Variants in CAPRIN2 observed in about 807,000 individuals in gnomAD.
The protein encoded by CAPRIN2 is caprin family member 2.
A neutral mutation model predicts 130.4 loss-of-function variants in CAPRIN2; 66 were observed. That is an observed-to-expected ratio of 0.51 (90% CI 0.42 to 0.62). The LOEUF is 0.62. Among genes scored for constraint, CAPRIN2 ranks in the 20% least tolerant of loss-of-function variants. CAPRIN2 has a pLI of 0.00. For synonymous variants in CAPRIN2, 471 were observed against 444.1 expected (o/e 1.06, Z -0.76); for missense variants, 1,185 against 1,246.6 (o/e 0.95, Z 0.74).
intron 11 of CAPRIN2, 43 bp from the exon 13 acceptor site, chr12:30,720,958 G>A (rs760830376): frequency 7.2e-7 from 1 of 1,388,270 alleles, no homozygotes; most frequent in Non-Finnish European, 1.0e-6. Flanking sequence ...GGCACATTTT[G>A]TTCACTTTAT....
chr12:30,723,760 T>C (rs534449139), intron 10 of CAPRIN2, among the ~76,000 whole-genome samples: 1 of 152,324 alleles, frequency 6.6e-6, no homozygotes, highest in South Asian at 2.1e-4. Flanking sequence ...TAGTTTGTTT[T>C]GTTTCTTCTT....
intron 2 of CAPRIN2, 76 bp from the exon 4 acceptor site, chr12:30,741,182 A>T: frequency 1.2e-6 from 1 of 819,558 alleles, no homozygotes; most frequent in South Asian, 1.9e-5. Context: ...TTTCTTAAAT[A>T]CAGTAGAAGA....
intron 9 of CAPRIN2, among the ~76,000 whole-genome samples, chr12:30,725,603 G>A (rs2060668846): frequency 6.6e-6 from 1 of 152,118 alleles, no homozygotes; most frequent in African/African-American, 2.4e-5. Context: ...GGCAATGAAT[G>A]TCTCATTTTC....
intron 2 of CAPRIN2, 33 bp from the exon 4 acceptor site, chr12:30,741,139 T>C (rs1325126366): frequency 1.5e-6 from 2 of 1,309,782 alleles, no homozygotes; most frequent in Non-Finnish European, 1.1e-6. Flanking sequence ...ATAAATTTTG[T>C]GACTGTTTAA....
At position 30,713,641 on chromosome 12, in the gene CAPRIN2, CTCTTCTCCA is replaced by C. The variant is rs1338960883; in HGVS notation, c.2601+135_2601+143del. 6.1e-6 allele frequency: 3 copies of C among 492,870 alleles called. No homozygotes were observed. In the Admixed American group the frequency reaches 1.0e-4, roughly 17 times the overall value. 30.5% of individuals were successfully genotyped at this position (492,870 alleles called of 1,614,324 possible). On this transcript the variant is annotated intron_variant, in intron 15 of 16. Transcript: ENST00000298892. ...GTAATTGCAAAAACTTCCAACTCAACTCTTCTCCATAGGACTTACAAGTAGTTTTAAAAC... is the reference window on the plus strand; with the variant it reads ...GTAATTGCAAAAACTTCCAACTCAACTAGGACTTACAAGTAGTTTTAAAAC...
intron 5 of CAPRIN2, among the ~76,000 whole-genome samples, chr12:30,732,509 T>C (rs1280707488): frequency 6.6e-6 from 1 of 151,992 alleles, no homozygotes; most frequent in Non-Finnish European, 1.5e-5. Flanking sequence ...TATAGAGGAT[T>C]TTCATCAACC....
At chr12:30,739,195 C>A in intron 3 of CAPRIN2, among the ~76,000 whole-genome samples, 1 of 152,162 alleles carries the variant, frequency 6.6e-6, no homozygotes, top group South Asian at 2.1e-4. Flanking sequence ...AAACGTGGTA[C>A]ATATATATCA....
rs201569358 is a variant in CAPRIN2, at chr12:30,723,319, A to G, written c.1988-5T>C. ...ACAGATTTTGTTCTTTAGATGCTGC[A>G]AGGAGTAAAATAAACAGTAACTACT... is the stretch of plus-strand genomic sequence containing the variant. On this transcript the variant is annotated splice_polypyrimidine_tract_variant and splice_region_variant and intron_variant, in intron 10 of 16. Coordinates refer to ENST00000298892, the Ensembl canonical transcript of CAPRIN2. 43 of 1,606,690 alleles carry G rather than the reference A, an allele frequency of 2.7e-5. No homozygotes were observed. The highest frequency in any genetic ancestry group is 4.3e-6 in the Non-Finnish European group (5 of 1,173,860).
At chr12:30,723,112 C>G in intron 11 of CAPRIN2, 147 bp downstream of exon 12, 1 of 611,570 alleles carries the variant, frequency 1.6e-6, no homozygotes, top group Non-Finnish European at 2.9e-6. Flanking sequence ...TAGGACAAGT[C>G]GTATTTAATC....
intron 2 of CAPRIN2, among the ~76,000 whole-genome samples, chr12:30,747,356 G>A (rs570486230): frequency 5.3e-5 from 8 of 152,116 alleles, no homozygotes; most frequent in Non-Finnish European, 8.8e-5. Flanking sequence ...ATGGATCAAG[G>A]AGTAATTTTG....
At chr12:30,714,902 T>A in intron 14 of CAPRIN2, 57 bp downstream of exon 16, 2 of 1,413,404 alleles carry the variant, frequency 1.4e-6, no homozygotes, top group Non-Finnish European at 9.8e-7. Flanking sequence ...ATGGTGTGAG[T>A]CAAGTAAACA....
intron 3 of CAPRIN2, 151 bp from the exon 5 acceptor site, chr12:30,735,357 C>T (rs2064263767): frequency 1.4e-6 from 1 of 697,868 alleles, no homozygotes; most frequent in Admixed American, 2.5e-5. Context: ...CCTTTTTGAG[C>T]TAAAGAAGTC....
chr12:30,723,299 T>C, exon 11 of CAPRIN2: 1 of 1,612,142 alleles, frequency 6.2e-7, no homozygotes, highest in Non-Finnish European at 8.5e-7. Flanking sequence ...ACTGGACAGA[T>C]TTTGTTCTTT....
At chr12:30,730,389 G>A in intron 6 of CAPRIN2, 107 bp from the exon 8 acceptor site, 10 of 779,746 alleles carry the variant, frequency 1.3e-5, no homozygotes, top group Admixed American at 8.8e-5. Context: ...ACTCGTAACA[G>A]AAAAAGGGTA....
chr12:30,751,144 G>C lies in CAPRIN2; in HGVS notation c.421-11C>G. ...ATCCTCCAGTTTGAGCTACAAAAGA[G>C]AAACTTGTATCTACCATAGTCTGAC... On this transcript the variant is annotated splice_polypyrimidine_tract_variant and intron_variant, in intron 1 of 16. Transcript: ENST00000298892. 6.2e-7 allele frequency: 1 copy of C among 1,609,436 alleles called. No individual in the cohort carries two copies. The highest frequency in any genetic ancestry group is 8.5e-7 in the Non-Finnish European group (1 of 1,175,930).
intron 1 of CAPRIN2, 143 bp from the exon 3 acceptor site, chr12:30,751,276 G>A: frequency 1.5e-6 from 1 of 664,780 alleles, no homozygotes; most frequent in East Asian, 2.7e-5. Flanking sequence ...TATACGGCAT[G>A]CAGCAACTGT....
At chr12:30,716,755 C>T (rs969765760) in intron 12 of CAPRIN2, 79 bp from the exon 15 acceptor site, 3 of 1,280,150 alleles carry the variant, frequency 2.3e-6, no homozygotes, top group Non-Finnish European at 3.3e-6. Flanking sequence ...CAAAATTGTA[C>T]ATTCAAAAAC....
chr12:30,730,298 G>C lies in CAPRIN2; in HGVS notation c.1061-16C>G, dbSNP rs781270066. 6.3e-7 allele frequency: 1 copy of C among 1,587,914 alleles called. No homozygotes were observed. The highest frequency in any genetic ancestry group is 8.6e-7 in the Non-Finnish European group (1 of 1,156,576). On this transcript the variant is annotated splice_polypyrimidine_tract_variant and intron_variant, in intron 6 of 16. Coordinates refer to ENST00000298892, the Ensembl canonical transcript of CAPRIN2. ...ATTAGAGACTCTGGGATGATAAAAAGAATCTGAATAAATACTAGGTGAACT... is the reference window on the plus strand; with the variant it reads ...ATTAGAGACTCTGGGATGATAAAAACAATCTGAATAAATACTAGGTGAACT...
In CAPRIN2 at chr12:30,720,793, AG is replaced by A. The variant is rs2059181063; in HGVS notation, c.2148+17del. The A allele has an allele frequency of 5.7e-6, 8 of 1,414,984 alleles. 1 individual carries two copies. The highest frequency in any genetic ancestry group is 8.0e-6 in the Non-Finnish European group (8 of 1,001,742). 87.7% of individuals were successfully genotyped at this position (1,414,984 alleles called of 1,614,324 possible). ...ATTCTTTAAGATACAAAAGAAATTA[AG>A]ACAATTGGTCTTTTACCTCAGGAGT... On this transcript the variant is annotated intron_variant, in intron 12 of 16. Coordinates refer to ENST00000298892, the Ensembl canonical transcript of CAPRIN2.
Sources: gnomAD v4.1 joint callset for allele counts (sites outside exome capture counted in the v4.1 genomes callset) on GRCh38, gnomAD v4.1.1 for gene constraint, MANE v1.5 for transcripts, NCBI Gene and HGNC (gene_info 2026-07-23, HGNC 2026-07-21) for gene names.